The following ATF6 variants were observed in gnomAD, a reference collection of about 807,000 sequenced individuals.
The protein encoded by ATF6 is activating transcription factor 6, also known as cyclic AMP-dependent transcription factor ATF-6 alpha.
Under a neutral mutation model 83.6 loss-of-function variants are expected in ATF6, and 53 were observed. The observed-to-expected ratio is 0.63, with a 90% CI of 0.51 to 0.80. ATF6 has a LOEUF of 0.80. Among genes scored for constraint, ATF6 ranks in the 30% least tolerant of loss-of-function variants. The pLI, the probability that ATF6 is intolerant of heterozygous loss-of-function variation, is 0.00. For synonymous variants in ATF6, 288 were observed against 285.8 expected (o/e 1.01, Z -0.08); for missense variants, 744 against 797.9 (o/e 0.93, Z 0.81).
intron 9 of ATF6, among the ~76,000 whole-genome samples, chr1:161,822,060 A>T (rs1685778678): frequency 6.6e-6 from 1 of 152,200 alleles, no homozygotes. Context: ...GAGGAAGCAA[A>T]CATAGACAGA....
intron 15 of ATF6, among the ~76,000 whole-genome samples, chr1:161,923,796 G>A (rs957505316): frequency 1.3e-5 from 2 of 152,210 alleles, no homozygotes; most frequent in East Asian, 3.8e-4. Flanking sequence ...AAAGGAGCCA[G>A]TTGCTGAGCC....
intron 14 of ATF6, among the ~76,000 whole-genome samples, chr1:161,870,815 A>C (rs1222805371): frequency 6.6e-6 from 1 of 151,836 alleles, no homozygotes. Flanking sequence ...CTTATAACTC[A>C]AGAATAATAC....
rs138174036 is a variant in ATF6, at chr1:161,951,709, C to T, written c.1805-6737C>T. 4.0e-3 allele frequency among the ~76,000 whole-genome samples: 610 copies of T among 152,220 alleles called. 4 individuals are homozygous for T. The highest frequency in any genetic ancestry group is 0.014 in the African/African-American group (594 of 41,518). The stretch of plus-strand genomic sequence containing the variant: ...TAGAGTTTTGGTCATAGGAGAAGAC[C>T]TGAGGAAATGCATTTGTTTGATGAT... On this transcript the variant is annotated intron_variant, in intron 15 of 15. Coordinates refer to ENST00000367942, the MANE Select transcript of ATF6 (RefSeq NM_007348.4).
At chr1:161,811,557 A>G (rs961284213) in intron 7 of ATF6, among the ~76,000 whole-genome samples, 19 of 152,360 alleles carry the variant, frequency 1.2e-4, no homozygotes, top group African/African-American at 4.6e-4. Flanking sequence ...TAAATTTCAA[A>G]AAGTACAAAA....
chr1:161,908,795 G>A (rs1391003240), intron 14 of ATF6, among the ~76,000 whole-genome samples: 2 of 152,030 alleles, frequency 1.3e-5, no homozygotes, highest in Non-Finnish European at 2.9e-5. Context: ...TTTCATTTTT[G>A]TCACTGTTGG....
At chr1:161,897,119 T>C (rs1037079832) in intron 14 of ATF6, among the ~76,000 whole-genome samples, 6 of 152,210 alleles carry the variant, frequency 3.9e-5, no homozygotes, top group Non-Finnish European at 8.8e-5. Flanking sequence ...GAATGGACTA[T>C]AATATTTTTA....
chr1:161,934,315 A>C (rs1688497320), intron 15 of ATF6, among the ~76,000 whole-genome samples: 2 of 152,246 alleles, frequency 1.3e-5, no homozygotes, highest in East Asian at 1.9e-4. Context: ...TGAAAAAAAT[A>C]AGAAGCACCA....
chr1:161,871,642 A>G (rs1381492859), intron 14 of ATF6, among the ~76,000 whole-genome samples: 3 of 151,650 alleles, frequency 2.0e-5, no homozygotes, highest in Non-Finnish European at 4.4e-5. Flanking sequence ...TGTGAGGAAA[A>G]AATGTATTTT....
Position 161,821,054 on chromosome 1 carries a change from T to C in ATF6, c.1096-16T>C. The C allele has an allele frequency of 3.2e-6, 5 of 1,558,532 alleles. No individual in the cohort carries two copies. Among genetic ancestry groups the C allele is most frequent in the Non-Finnish European group, 3.5e-6 (4 of 1,140,872 alleles). On this transcript the variant is annotated splice_polypyrimidine_tract_variant and intron_variant, in intron 8 of 15. Transcript: ENST00000367942. The stretch of plus-strand genomic sequence containing the variant: ...GATGTTAGTTTAATTGTATTTAATG[T>C]GGTCATTTCCTTTAGAACCAGAGGC...
At chr1:161,929,924 T>A (rs1688398200) in intron 15 of ATF6, among the ~76,000 whole-genome samples, 1 of 152,204 alleles carries the variant, frequency 6.6e-6, no homozygotes, top group African/African-American at 2.4e-5. Context: ...AGGGTCAGTA[T>A]GATGTTTAGG....
intron 4 of ATF6, among the ~76,000 whole-genome samples, chr1:161,791,102 G>GTC (rs71581435): frequency 9.3e-6 from 1 of 107,836 alleles, no homozygotes; most frequent in Non-Finnish European, 2.0e-5. Flanking sequence ...GTGTGTGTGT[G>GTC]TCTCTGTGTG....
In ATF6 at chr1:161,863,225, G is replaced by A. The variant is rs757281097; in HGVS notation, c.1632G>A (p.Val544=). The A allele has an allele frequency of 2.5e-6, 4 of 1,610,952 alleles. No homozygotes were observed. The highest frequency in any genetic ancestry group is 3.3e-5 in the Admixed American group (2 of 59,984). ...GGAACTCAGGGAGTGAGCTACAAGT[G>A]TATTATGCTTCACCCAGAAGTTATC... ...ISRNSGSELQ[V]YYASPRSYQD... is the part of the protein sequence containing the mutation. Residue 544 remains valine, a synonymous_variant, in exon 14 of 16, where the codon GTG becomes GTA. Coordinates refer to ENST00000367942, the MANE Select transcript of ATF6 (RefSeq NM_007348.4).
chr1:161,955,829 G>A (rs370266419), intron 15 of ATF6, among the ~76,000 whole-genome samples: 18 of 152,282 alleles, frequency 1.2e-4, no homozygotes, highest in African/African-American at 4.3e-4. Flanking sequence ...TAGCAATGCT[G>A]ATAGTTTCCT....
At chr1:161,907,224 C>T (rs1687893823) in intron 14 of ATF6, among the ~76,000 whole-genome samples, 1 of 152,140 alleles carries the variant, frequency 6.6e-6, no homozygotes, top group Admixed American at 6.5e-5. Flanking sequence ...TTAATATGTT[C>T]TTCAACTTCT....
At chr1:161,877,446 A>T (rs974664621) in intron 14 of ATF6, among the ~76,000 whole-genome samples, 2 of 152,130 alleles carry the variant, frequency 1.3e-5, no homozygotes, top group Non-Finnish European at 2.9e-5. Flanking sequence ...AGGAAAGAGC[A>T]TATGAAGGCA....
intron 9 of ATF6, among the ~76,000 whole-genome samples, chr1:161,826,481 G>A (rs1248813168): frequency 6.6e-6 from 1 of 152,112 alleles, no homozygotes; most frequent in Non-Finnish European, 1.5e-5. Flanking sequence ...AGAAAGAGGG[G>A]ATTAAAAATC....
At chr1:161,937,889 T>A (rs369575415) in intron 15 of ATF6, among the ~76,000 whole-genome samples, 2 of 148,144 alleles carry the variant, frequency 1.4e-5, no homozygotes, top group Non-Finnish European at 3.0e-5. Context: ...GAAAAGATAA[T>A]AAAAAAAAAA....
intron 10 of ATF6, among the ~76,000 whole-genome samples, 193 bp downstream of exon 10, chr1:161,846,773 G>A (rs1316728812): frequency 1.3e-5 from 2 of 151,806 alleles, no homozygotes; most frequent in Admixed American, 1.3e-4. Flanking sequence ...ACCTTTTGTA[G>A]TTTTAAAATT....
intron 14 of ATF6, among the ~76,000 whole-genome samples, chr1:161,897,591 G>T (rs970764269): frequency 6.6e-6 from 1 of 152,062 alleles, no homozygotes; most frequent in Non-Finnish European, 1.5e-5. Flanking sequence ...TTTTCTGTTC[G>T]GGAGGAAGCC....
Sources: gnomAD v4.1 joint callset for allele counts (sites outside exome capture counted in the v4.1 genomes callset) on GRCh38, gnomAD v4.1.1 for gene constraint, MANE v1.5 for transcripts, NCBI Gene and HGNC (gene_info 2026-07-23, HGNC 2026-07-21) for gene names.